Variants in ENPP1 observed in about 807,000 individuals in gnomAD.
ENPP1 encodes ectonucleotide pyrophosphatase/phosphodiesterase 1.
Under a neutral mutation model 122.8 loss-of-function variants are expected in ENPP1, and 73 were observed. The ratio of observed to expected loss-of-function variants is 0.59; its 90% CI spans 0.49 to 0.72. ENPP1 has a LOEUF of 0.72. Among genes scored for constraint, ENPP1 ranks in the 30% least tolerant of loss-of-function variants. The probability of loss-of-function intolerance (pLI) is 0.00; values close to 1 mark genes in which losing one functional copy is unlikely to be tolerated. For missense variants in ENPP1, 978 were observed against 1,128.1 expected (o/e 0.87, Z 1.91); for synonymous variants, 367 against 391.6 (o/e 0.94, Z 0.74).
intron 12 of ENPP1, 70 bp downstream of exon 12, chr6:131,868,196 A>AT: frequency 2.6e-6 from 3 of 1,163,594 alleles, no homozygotes; most frequent in Non-Finnish European, 3.9e-6. Flanking sequence ...TGGTTTCCCA[A>AT]TTTTTTCTGA....
intron 9 of ENPP1, among the ~76,000 whole-genome samples, chr6:131,863,140 G>T (rs1782044551): frequency 6.6e-6 from 1 of 152,204 alleles, no homozygotes. Flanking sequence ...AGAAGGAAAA[G>T]ATGAGTGTAT....
At chr6:131,820,288 A>C (rs74558674) in intron 1 of ENPP1, 2,501 of 169,682 alleles carry the variant, frequency 0.015, 70 homozygotes, top group African/African-American at 0.054. Flanking sequence ...TTTAGGAAAT[A>C]GGTGTACATC....
chr6:131,826,594 A>G, intron 1 of ENPP1: 6 of 1,074,622 alleles, frequency 5.6e-6, no homozygotes, highest in South Asian at 2.5e-5. Flanking sequence ...GGAGTATGGA[A>G]TGCATTCCAG....
At chr6:131,873,744 G>A (rs1782192697) in intron 15 of ENPP1, among the ~76,000 whole-genome samples, 1 of 151,884 alleles carries the variant, frequency 6.6e-6, no homozygotes, top group East Asian at 1.9e-4. Flanking sequence ...AACCTAAGCA[G>A]TGAACCAAAA....
intron 1 of ENPP1, among the ~76,000 whole-genome samples, chr6:131,847,236 C>A (rs1202556842): frequency 1.3e-5 from 2 of 152,040 alleles, no homozygotes; most frequent in African/African-American, 2.4e-5. Flanking sequence ...CATAGGAAAT[C>A]CAGACTCTGT....
At position 131,879,999 on chromosome 6, in the gene ENPP1, AT is replaced by A; in HGVS notation, c.2066del (p.Met689SerfsTer47). On this transcript the variant is annotated frameshift_variant, in exon 20 of 25. Coordinates refer to ENST00000647893, the MANE Select transcript of ENPP1 (RefSeq NM_006208.3). LOFTEE classifies it high-confidence loss of function. ...GAGTGGATACAGCCAAGACATCTTA[AT>A]GCCCCTTTGGACATCCTATACCGTG... is the stretch of plus-strand genomic sequence containing the variant. ...FMSGYSQDIL[M>X]PLWTSYTVDR... 2 of 1,614,132 alleles carry A rather than the reference AT, an allele frequency of 1.2e-6. No individual in the cohort carries two copies. The highest frequency in any genetic ancestry group is 1.7e-6 in the Non-Finnish European group (2 of 1,179,972).
intron 1 of ENPP1, among the ~76,000 whole-genome samples, chr6:131,811,570 T>C (rs1781355017): frequency 6.6e-6 from 1 of 152,142 alleles, no homozygotes; most frequent in African/African-American, 2.4e-5. Context: ...AGGCAGTTCC[T>C]AAGTTGTTTA....
At chr6:131,871,911 A>T (rs549975687) in intron 13 of ENPP1, among the ~76,000 whole-genome samples, 159 bp from the exon 14 acceptor site, 1 of 152,340 alleles carries the variant, frequency 6.6e-6, no homozygotes, top group South Asian at 2.1e-4. Flanking sequence ...GGTCTGTCTA[A>T]TTCCTTTCAG....
At chr6:131,882,317 G>C in intron 20 of ENPP1, 28 bp from the exon 21 acceptor site, 1 of 1,556,334 alleles carries the variant, frequency 6.4e-7, no homozygotes, top group Non-Finnish European at 8.6e-7. Context: ...CCTGATATCT[G>C]AGAGTTCTTC....
rs758508170 is a variant in ENPP1, at chr6:131,890,382, G to A, written c.2649G>A (p.Met883Ile). 2.5e-6 allele frequency: 4 copies of A among 1,613,878 alleles called. No homozygotes were observed. The highest frequency in any genetic ancestry group is 2.2e-5 in the South Asian group (2 of 91,082). The part of the protein sequence containing the change: ...HDSSWVEELL[M>I]LHRARITDVE... The stretch of plus-strand genomic sequence containing the variant: ...CCTCATGGGTTGAAGAATTGTTAAT[G>A]TTACACAGAGCACGGATCACAGATG... The change falls in exon 25 of 25, where the codon ATG (methionine) becomes ATA (isoleucine). Residue 883 changes from methionine (M) to isoleucine (I), a missense_variant. Physicochemically the swap from Met to Ile is conservative, Grantham distance 10. Transcript: ENST00000647893.
chr6:131,876,872 TTTAG>T (rs1782235583), intron 17 of ENPP1, 116 bp from the exon 18 acceptor site: 1 of 862,574 alleles, frequency 1.2e-6, no homozygotes, highest in Middle Eastern at 3.4e-4. Context: ...ATACTTTTAT[TTTAG>T]TTAAAGAGTA....
intron 1 of ENPP1, among the ~76,000 whole-genome samples, chr6:131,838,959 T>C (rs1195016008): frequency 6.6e-6 from 1 of 152,176 alleles, no homozygotes; most frequent in African/African-American, 2.4e-5. Flanking sequence ...CATGAAGAGA[T>C]TGAACCACAA....
In ENPP1 at chr6:131,841,448, C is replaced by G. The variant is rs891674824; in HGVS notation, c.241-6328C>G. ...GTCTGACACATTGGAATACCACATC[C>G]AGCAATCTACCATTTCCTAAACAAA... On this transcript the variant is annotated intron_variant, in intron 1 of 24. Coordinates refer to ENST00000647893, the MANE Select transcript of ENPP1 (RefSeq NM_006208.3). Among the ~76,000 whole-genome samples the G allele has an allele frequency of 2.0e-5, 3 of 152,200 alleles. No individual in the cohort carries two copies. The East Asian group carries it at 5.8e-4, about 29-fold the overall frequency.
chr6:131,809,816 T>G (rs1186207371), intron 1 of ENPP1, among the ~76,000 whole-genome samples: 1 of 152,206 alleles, frequency 6.6e-6, no homozygotes, highest in Non-Finnish European at 1.5e-5. Flanking sequence ...ACAACAGATA[T>G]CAGCAAAGGT....
Position 131,864,647 on chromosome 6 carries a change from C to A in ENPP1, c.1091+76C>A, listed in dbSNP as rs146229718. 1,232 of 1,055,480 alleles carry A rather than the reference C, an allele frequency of 1.2e-3. 11 individuals carry two copies. In the African/African-American group the frequency reaches 0.017, roughly 15 times the overall value. The allele number at this position is 1,055,480 out of a possible 1,614,324, so 65.4% of individuals were successfully genotyped here. A position where few individuals can be genotyped will look rare whatever the true frequency, so the allele number is the denominator to read the frequency against. On this transcript the variant is annotated intron_variant, in intron 10 of 24. Transcript: ENST00000647893. ...TATACTATTTTAAAATAGACTACAA[C>A]AAAACTTTGCTATTTGCTATGATGT... is the stretch of plus-strand genomic sequence containing the variant.
chr6:131,839,364 G>C (rs568567564), intron 1 of ENPP1, among the ~76,000 whole-genome samples: 4 of 151,836 alleles, frequency 2.6e-5, no homozygotes, highest in African/African-American at 9.7e-5. Flanking sequence ...CCAATGACTG[G>C]TGAATCATGG....
chr6:131,861,402 C>A (rs1782021391), intron 8 of ENPP1, among the ~76,000 whole-genome samples, 193 bp from the exon 9 acceptor site: 2 of 152,304 alleles, frequency 1.3e-5, no homozygotes, highest in African/African-American at 4.8e-5. Context: ...AGGAGTTAAT[C>A]TCTGACTATT....
In ENPP1 at chr6:131,847,795, TAAC is replaced by T. The variant is rs779666618; in HGVS notation, c.266_268del (p.Thr89del). 8.1e-6 allele frequency: 13 copies of T among 1,611,282 alleles called. No homozygotes were observed. Among genetic ancestry groups the T allele is most frequent in the Non-Finnish European group, 1.0e-5 (12 of 1,178,854 alleles). ...CTACAGGTATTGTCAGTATGTGTGT[TAAC>T]AACAATACTTGGTTGTATATTTGGG... On this transcript the variant is annotated inframe_deletion, in exon 2 of 25. Coordinates refer to ENST00000647893, the MANE Select transcript of ENPP1 (RefSeq NM_006208.3).
At chr6:131,884,320 G>C (rs941139736) in intron 22 of ENPP1, among the ~76,000 whole-genome samples, 4 of 152,156 alleles carry the variant, frequency 2.6e-5, no homozygotes, top group Non-Finnish European at 4.4e-5. Context: ...TGCCTTGTTT[G>C]TGTTTGCGAT....
Sources: gnomAD v4.1 joint callset for allele counts (sites outside exome capture counted in the v4.1 genomes callset) on GRCh38, gnomAD v4.1.1 for gene constraint, MANE v1.5 for transcripts, NCBI Gene and HGNC (gene_info 2026-07-23, HGNC 2026-07-21) for gene names.